Variants in ZFPM2 observed in about 807,000 individuals in gnomAD.
The protein encoded by ZFPM2 is zinc finger protein, FOG family member 2.
A neutral mutation model predicts 98.6 loss-of-function variants in ZFPM2; 20 were observed. The ratio of observed to expected loss-of-function variants is 0.20; its 90% confidence interval spans 0.14 to 0.29. The LOEUF (loss-of-function observed/expected upper bound fraction) is 0.29, where lower values mean the gene tolerates loss of function less well. Among genes scored for constraint, ZFPM2 ranks in the 10% least tolerant of loss-of-function variants. ZFPM2 has a pLI of 1.00. For missense variants in ZFPM2, 1,310 were observed against 1,388.6 expected (o/e 0.94, Z 0.90); for synonymous variants, 518 against 502.7 (o/e 1.03, Z -0.41).
chr8:105,341,958 G>T (rs1812438195), intron 1 of ZFPM2, among the ~76,000 whole-genome samples: 1 of 151,990 alleles, frequency 6.6e-6, no homozygotes. Flanking sequence ...AAATGCCTGG[G>T]CATTTGCTAG....
chr8:105,530,108 G>A (rs935877452), intron 3 of ZFPM2, among the ~76,000 whole-genome samples: 1 of 152,088 alleles, frequency 6.6e-6, no homozygotes, highest in Non-Finnish European at 1.5e-5. Flanking sequence ...AAATCGGGCT[G>A]GCTTGCTAAC....
intron 4 of ZFPM2, among the ~76,000 whole-genome samples, chr8:105,562,766 T>G (rs1290402019): frequency 6.6e-6 from 1 of 152,304 alleles, no homozygotes; most frequent in East Asian, 1.9e-4. Context: ...CTGGGTCGTC[T>G]AAGCTAATTT....
rs1456124564 is a variant in ZFPM2 at position 105,508,074 on chromosome 8, A to G, written c.302-53289A>G. Among the ~76,000 whole-genome samples the G allele has an allele frequency of 2.0e-5, 3 of 152,214 alleles. No individual in the cohort carries two copies. In the East Asian group the frequency reaches 5.8e-4, roughly 29 times the overall value. ...TCACTGAGAAGCTGCAGGATTCCAG[A>G]TGCTTCCAAGAAAATCTTACACCCA... On this transcript the variant is annotated intron_variant, in intron 3 of 7. Coordinates refer to ENST00000407775, the MANE Select transcript of ZFPM2 (RefSeq NM_012082.4).
intron 3 of ZFPM2, among the ~76,000 whole-genome samples, chr8:105,521,421 T>C (rs1473416421): frequency 6.6e-6 from 1 of 150,952 alleles, no homozygotes; most frequent in Non-Finnish European, 1.5e-5. Context: ...GGGGGAGGGA[T>C]GAGTCAATCA....
At chr8:105,392,713 A>C (rs2129939918) in intron 1 of ZFPM2, among the ~76,000 whole-genome samples, 1 of 152,332 alleles carries the variant, frequency 6.6e-6, no homozygotes, top group East Asian at 1.9e-4. Flanking sequence ...TAGTAGCATT[A>C]AATACTGCAT....
intron 5 of ZFPM2, among the ~76,000 whole-genome samples, chr8:105,666,206 A>T (rs1392064203): frequency 6.6e-6 from 1 of 151,776 alleles, no homozygotes; most frequent in African/African-American, 2.4e-5. Flanking sequence ...GCCATCTCAC[A>T]TAACTTCCCA....
At chr8:105,786,384 T>C (rs1413931364) in intron 5 of ZFPM2, among the ~76,000 whole-genome samples, 1 of 152,216 alleles carries the variant, frequency 6.6e-6, no homozygotes, top group South Asian at 2.1e-4. Flanking sequence ...ATTCTAATTG[T>C]AGAGCTGCAT....
intron 5 of ZFPM2, among the ~76,000 whole-genome samples, chr8:105,656,003 T>A (rs1454585419): frequency 1.3e-5 from 2 of 152,186 alleles, no homozygotes; most frequent in Non-Finnish European, 2.9e-5. Flanking sequence ...CCATTTATTG[T>A]GGGCCTACTG....
At chr8:105,438,742 G>A (rs1384423316) in intron 2 of ZFPM2, among the ~76,000 whole-genome samples, 1 of 152,102 alleles carries the variant, frequency 6.6e-6, no homozygotes, top group Non-Finnish European at 1.5e-5. Flanking sequence ...GTTGATTACT[G>A]TATTTGTATC....
intron 1 of ZFPM2, among the ~76,000 whole-genome samples, chr8:105,411,705 T>C (rs1811581232): frequency 6.6e-6 from 1 of 151,902 alleles, no homozygotes; most frequent in Non-Finnish European, 1.5e-5. Context: ...GATAACTTTA[T>C]AGGACTCTGG....
intron 4 of ZFPM2, among the ~76,000 whole-genome samples, chr8:105,571,347 T>G (rs1285180656): frequency 6.6e-6 from 1 of 152,232 alleles, no homozygotes; most frequent in Non-Finnish European, 1.5e-5. Context: ...TATCACCATC[T>G]TGACTAGTGA....
chr8:105,441,736 A>G, intron 2 of ZFPM2, among the ~76,000 whole-genome samples: 1 of 152,142 alleles, frequency 6.6e-6, no homozygotes. Context: ...GTGATATTCA[A>G]AGACTACTGG....
At chr8:105,587,991 G>A (rs945269924) in intron 4 of ZFPM2, among the ~76,000 whole-genome samples, 1 of 152,016 alleles carries the variant, frequency 6.6e-6, no homozygotes, top group Non-Finnish European at 1.5e-5. Flanking sequence ...ATGAAAACAC[G>A]AGCCCACCAC....
intron 5 of ZFPM2, among the ~76,000 whole-genome samples, chr8:105,701,383 ATC>A (rs1271285782): frequency 6.6e-6 from 1 of 152,178 alleles, no homozygotes; most frequent in Admixed American, 6.5e-5. Context: ...TTCTGTCTCT[ATC>A]TGCTATTAGT....
chr8:105,497,267 G>A (rs1027516768), intron 3 of ZFPM2, among the ~76,000 whole-genome samples: 2 of 152,028 alleles, frequency 1.3e-5, no homozygotes, highest in Admixed American at 1.3e-4. Flanking sequence ...TTACAGGCAT[G>A]AGCCACCAAG....
intron 3 of ZFPM2, among the ~76,000 whole-genome samples, chr8:105,470,170 A>C (rs769752295): frequency 4.7e-4 from 71 of 151,632 alleles, no homozygotes; most frequent in Non-Finnish European, 9.4e-4. Context: ...TTCCCCCTCT[A>C]CCTCCTCTTT....
chr8:105,765,743 T>C, intron 5 of ZFPM2, among the ~76,000 whole-genome samples: 1 of 151,932 alleles, frequency 6.6e-6, no homozygotes, highest in East Asian at 1.9e-4. Context: ...TTCAAGGTTC[T>C]CTGACTTACT....
chr8:105,654,123 C>T (rs1450341222), intron 5 of ZFPM2, among the ~76,000 whole-genome samples: 1 of 151,570 alleles, frequency 6.6e-6, no homozygotes, highest in Non-Finnish European at 1.5e-5. Context: ...TAAATAAGTA[C>T]TTAGGGGAAA....
At chr8:105,373,428 C>A (rs191385267) in intron 1 of ZFPM2, among the ~76,000 whole-genome samples, 1 of 152,050 alleles carries the variant, frequency 6.6e-6, no homozygotes, top group African/African-American at 2.4e-5. Context: ...GGAGTAAGAT[C>A]GTTTTTTTCT....
Sources: allele counts gnomAD v4.1 joint callset (sites outside exome capture counted in the v4.1 genomes callset), GRCh38; gene constraint gnomAD v4.1.1; transcripts MANE v1.5; gene names NCBI Gene and HGNC (gene_info 2026-07-23, HGNC 2026-07-21).